UBE2D2: variants seen among roughly 807,000 people sequenced by gnomAD.
UBE2D2 encodes the protein ubiquitin conjugating enzyme E2 D2.
UBE2D2 carries 2 observed loss-of-function variants against 24.2 expected under a neutral mutation model. The observed-to-expected ratio is 0.08, with a 90% CI of 0.03 to 0.26. UBE2D2 has a LOEUF of 0.26. UBE2D2 is among the 10% of genes least tolerant of loss of function. UBE2D2 has a pLI of 1.00. For missense variants in UBE2D2, 44 were observed against 177.6 expected, an observed-to-expected ratio of 0.25 and a Z score of 4.28; for synonymous variants, 58 against 56.5, an observed-to-expected ratio of 1.03 and a Z score of -0.12.
chr5:139,545,421 CTTT>C (rs971178938), intron 1 of UBE2D2, among the ~76,000 whole-genome samples: 1 of 90,798 alleles, frequency 1.1e-5, no homozygotes, highest in Non-Finnish European at 2.0e-5. Flanking sequence ...TTTAAATTTT[CTTT>C]TTTTTTTTTA....
At chr5:139,623,870 G>A (rs1754565077) in intron 6 of UBE2D2, among the ~76,000 whole-genome samples, 1 of 151,834 alleles carries the variant, frequency 6.6e-6, no homozygotes, top group Non-Finnish European at 1.5e-5. Flanking sequence ...TTTTTTTGTA[G>A]TTTTAGTAGA....
chr5:139,585,759 T>C (rs1433599207), intron 1 of UBE2D2, among the ~76,000 whole-genome samples: 1 of 151,464 alleles, frequency 6.6e-6, no homozygotes, highest in Non-Finnish European at 1.5e-5. Flanking sequence ...AATTAAACAT[T>C]AAAGGGGTAG....
intron 5 of UBE2D2, among the ~76,000 whole-genome samples, chr5:139,621,159 CTT>C (rs765580546): frequency 3.3e-5 from 5 of 152,228 alleles, no homozygotes; most frequent in Admixed American, 6.5e-5. Context: ...GGGAGGATGA[CTT>C]GAGCCCAGGA....
intron 1 of UBE2D2, among the ~76,000 whole-genome samples, chr5:139,581,977 GTTTT>G (rs376972603): frequency 1.3e-5 from 2 of 150,104 alleles, no homozygotes; most frequent in Non-Finnish European, 3.0e-5. Flanking sequence ...TTTTTTTGGG[GTTTT>G]TTTTTGTTTT....
At chr5:139,550,157 C>T (rs1159497281) in intron 1 of UBE2D2, among the ~76,000 whole-genome samples, 1 of 152,070 alleles carries the variant, frequency 6.6e-6, no homozygotes, top group Non-Finnish European at 1.5e-5. Flanking sequence ...CTGTGTCTAG[C>T]TCAAGGTTTG....
chr5:139,595,720 A>G (rs1753944084), intron 1 of UBE2D2, among the ~76,000 whole-genome samples: 1 of 152,292 alleles, frequency 6.6e-6, no homozygotes, highest in Non-Finnish European at 1.5e-5. Context: ...AAAAAGAAAA[A>G]GAAAATTTTA....
chr5:139,537,780 C>G (rs1410174577), intron 1 of UBE2D2, among the ~76,000 whole-genome samples: 3 of 151,614 alleles, frequency 2.0e-5, no homozygotes, highest in Non-Finnish European at 4.4e-5. Flanking sequence ...CTGGCTAACA[C>G]GGTGAGACCC....
intron 1 of UBE2D2, among the ~76,000 whole-genome samples, chr5:139,546,809 T>TTCTTCCTTCCTTC (rs1561498142): frequency 1.5e-5 from 2 of 129,164 alleles, no homozygotes; most frequent in East Asian, 2.5e-4. Context: ...CTTTCTTTCT[T>TTCTTCCTTCCTTC]CTTTCTTTCT....
chr5:139,551,877 C>A (rs920533382), intron 1 of UBE2D2, among the ~76,000 whole-genome samples: 2 of 152,156 alleles, frequency 1.3e-5, no homozygotes, highest in Non-Finnish European at 2.9e-5. Context: ...AAGTAAGTGG[C>A]AAAGCTACTG....
chr5:139,615,484 C>CA lies in UBE2D2; in HGVS notation c.304+530dup, dbSNP rs1011160901. Among the ~76,000 whole-genome samples, 140 of 131,482 alleles carry CA rather than the reference C, an allele frequency of 1.1e-3. 2 individuals carry two copies. Among genetic ancestry groups the CA allele is most frequent in the Admixed American group, 2.9e-3 (38 of 13,060 alleles). The allele number at this position is 131,482 out of a possible 152,430, so 86.3% of individuals were successfully genotyped here. A position where few individuals can be genotyped will look rare whatever the true frequency, so the allele number is the denominator to read the frequency against. On this transcript the variant is annotated intron_variant, in intron 5 of 6. Transcript: ENST00000398733. ...TGGGCAACAGAGCGAGACTCTGTCT[C>CA]AAAAAAAAAAAAGAAGATGGACACT...
intron 1 of UBE2D2, among the ~76,000 whole-genome samples, chr5:139,577,783 C>T (rs1002260003): frequency 6.6e-6 from 1 of 152,112 alleles, no homozygotes; most frequent in Non-Finnish European, 1.5e-5. Context: ...AGAAACACAC[C>T]AAGTTAATGA....
intron 1 of UBE2D2, among the ~76,000 whole-genome samples, chr5:139,589,818 T>C (rs1753805851): frequency 6.6e-6 from 1 of 152,036 alleles, no homozygotes; most frequent in Non-Finnish European, 1.5e-5. Context: ...GGAGTCTTGC[T>C]CCGTCGCCCA....
At chr5:139,588,969 T>A (rs1221132344) in intron 1 of UBE2D2, among the ~76,000 whole-genome samples, 1 of 152,074 alleles carries the variant, frequency 6.6e-6, no homozygotes, top group Non-Finnish European at 1.5e-5. Context: ...GATTTTTAAA[T>A]GTTTTGTAGA....
chr5:139,549,418 C>T (rs1430462468), intron 1 of UBE2D2, among the ~76,000 whole-genome samples: 1 of 152,212 alleles, frequency 6.6e-6, no homozygotes, highest in Non-Finnish European at 1.5e-5. Context: ...TGCGCGGGGT[C>T]TTGGCGGCCC....
At chr5:139,623,965 A>G (rs369457422) in intron 6 of UBE2D2, among the ~76,000 whole-genome samples, 2 of 152,312 alleles carry the variant, frequency 1.3e-5, no homozygotes, top group African/African-American at 4.8e-5. Flanking sequence ...TGCTGGGATT[A>G]CAGGTGTGAG....
chr5:139,610,195 A>T (rs1029190797), intron 2 of UBE2D2, among the ~76,000 whole-genome samples: 2 of 152,206 alleles, frequency 1.3e-5, no homozygotes, highest in East Asian at 3.8e-4. Context: ...GAGTGAATGA[A>T]TGAAGAGTCT....
chr5:139,575,940 T>C, intron 1 of UBE2D2, among the ~76,000 whole-genome samples: 1 of 152,150 alleles, frequency 6.6e-6, no homozygotes, highest in East Asian at 1.9e-4. Context: ...GGAGGATCTC[T>C]TGAGGCCCAG....
At chr5:139,595,151 A>G (rs914813153) in intron 1 of UBE2D2, among the ~76,000 whole-genome samples, 4 of 152,194 alleles carry the variant, frequency 2.6e-5, no homozygotes, top group African/African-American at 9.7e-5. Context: ...TTCTCATAAA[A>G]TAGAAAGTTG....
chr5:139,612,181 A>C (rs918954107), intron 2 of UBE2D2: 1 of 156,694 alleles, frequency 6.4e-6, no homozygotes, highest in African/African-American at 2.4e-5. Context: ...AGTCCTGAGC[A>C]ACTTCTTGTA....
Sources: allele counts gnomAD v4.1 joint callset (sites outside exome capture counted in the v4.1 genomes callset), GRCh38; gene constraint gnomAD v4.1.1; transcripts MANE v1.5; gene names NCBI Gene and HGNC (gene_info 2026-07-23, HGNC 2026-07-21).